HABP2: variants seen among roughly 807,000 people sequenced by gnomAD.
The protein encoded by HABP2 is factor VII-activating protease.
A neutral mutation model predicts 66.5 loss-of-function variants in HABP2; 65 were observed. That is an observed-to-expected ratio of 0.98 (90% CI 0.80 to 1.20). HABP2 has a LOEUF of 1.20. HABP2 is among the 50% of genes most tolerant of loss of function. HABP2 has a pLI of 0.00. For synonymous variants in HABP2, 263 were observed against 253.9 expected, an observed-to-expected ratio of 1.04 and a Z score of -0.34; for missense variants, 786 against 691.0, an observed-to-expected ratio of 1.14 and a Z score of -1.54.
intron 2 of HABP2, among the ~76,000 whole-genome samples, chr10:113,570,962 G>A (rs10885476): frequency 0.14 from 21,853 of 152,184 alleles, 1,643 homozygotes; most frequent in Non-Finnish European, 0.16. Context: ...GCCATCTGAG[G>A]TCTAGCTATG....
Position 113,589,076 on chromosome 10 carries a change from C to T in HABP2, c.*707C>T, listed in dbSNP as rs150551078. The T allele has an allele frequency of 1.2e-6, 2 of 1,613,578 alleles. No individual in the cohort carries two copies. Among genetic ancestry groups the T allele is most frequent in the Admixed American group, 1.7e-5 (1 of 59,982 alleles). On this transcript the variant is annotated 3_prime_UTR_variant, in exon 13 of 13. Transcript: ENST00000351270. ...TCTCCAGCCTCCACTGCTTCTGCCC[C>T]CCGCTGCTGAAATCAAACATACCCC...
chr10:113,565,204 AG>A (rs1357196895), intron 1 of HABP2, among the ~76,000 whole-genome samples: 3 of 152,264 alleles, frequency 2.0e-5, no homozygotes, highest in Non-Finnish European at 4.4e-5. Flanking sequence ...TTTACTCTCA[AG>A]AAAGTCAACA....
At chr10:113,571,078 G>T (rs548551972) in intron 2 of HABP2, among the ~76,000 whole-genome samples, 2 of 152,334 alleles carry the variant, frequency 1.3e-5, no homozygotes, top group African/African-American at 4.8e-5. Context: ...GTGTCGGTTT[G>T]TTATTATTGC....
intron 8 of HABP2, among the ~76,000 whole-genome samples, chr10:113,581,358 GCAC>G (rs1362349744): frequency 6.6e-6 from 1 of 152,122 alleles, no homozygotes; most frequent in African/African-American, 2.4e-5. Flanking sequence ...ACAGGACAAG[GCAC>G]CACCTATACA....
Position 113,588,167 on chromosome 10 carries a change from G to A in HABP2, c.1519-38G>A, listed in dbSNP as rs562328713. On this transcript the variant is annotated intron_variant, in intron 12 of 12. Coordinates refer to ENST00000351270, the MANE Select transcript of HABP2 (RefSeq NM_004132.5). ...GGTGGGGGCATCTCCAGATGTCTCT[G>A]GTTCACGAGGATGAGCTTATGCCTC... 5 of 1,544,278 alleles carry A rather than the reference G, an allele frequency of 3.2e-6. No individual in the cohort carries two copies. In the South Asian group the frequency reaches 4.9e-5, roughly 15 times the overall value.
intron 2 of HABP2, chr10:113,572,828 G>A: frequency 3.6e-6 from 1 of 278,422 alleles, no homozygotes; most frequent in Non-Finnish European, 7.4e-6. Context: ...TGTGATAAAT[G>A]AGGTGAAACT....
chr10:113,574,421 C>A lies in HABP2; in HGVS notation c.223+16C>A. The A allele has an allele frequency of 8.2e-7, 1 of 1,221,686 alleles. No individual in the cohort carries two copies. Among genetic ancestry groups the A allele is most frequent in the South Asian group, 1.2e-5 (1 of 83,078 alleles). 75.7% of individuals were successfully genotyped at this position (1,221,686 alleles called of 1,614,324 possible). A position where few individuals can be genotyped will look rare whatever the true frequency, so the allele number is the denominator to read the frequency against. ...GACCAAGCTGGTAGGTACCAAATCT[C>A]TTTCAGGGACTCTCCTGGGAGAAGG... On this transcript the variant is annotated intron_variant, in intron 3 of 12. Transcript: ENST00000351270.
At chr10:113,581,258 G>C (rs181485188) in intron 8 of HABP2, among the ~76,000 whole-genome samples, 1 of 152,040 alleles carries the variant, frequency 6.6e-6, no homozygotes, top group African/African-American at 2.4e-5. Flanking sequence ...ACTATTCTTT[G>C]AGAACCAACT....
chr10:113,578,742 C>G lies in HABP2; in HGVS notation c.684C>G (p.Tyr228Ter). Residue 228 changes from tyrosine to a stop codon, truncating the protein, a stop_gained, in exon 7 of 13, where the codon TAC becomes TAG. Coordinates refer to ENST00000351270, the MANE Select transcript of HABP2 (RefSeq NM_004132.5). LOFTEE classifies it high-confidence loss of function. Reference sequence around the variant, plus strand: ...CCCACCTCCTCTTGCAGGAGAATTACAACATGTTTATGGAGGATGCTGAAA... The same window carrying G: ...CCCACCTCCTCTTGCAGGAGAATTAGAACATGTTTATGGAGGATGCTGAAA... ...WNSHLLLQEN[Y>*]NMFMEDAETH... The G allele has an allele frequency of 6.2e-7, 1 of 1,611,746 alleles. No homozygotes were observed. Among genetic ancestry groups the G allele is most frequent in the Non-Finnish European group, 8.5e-7 (1 of 1,177,862 alleles).
intron 11 of HABP2, among the ~76,000 whole-genome samples, chr10:113,585,520 A>G (rs1845617005): frequency 6.6e-6 from 1 of 152,168 alleles, no homozygotes; most frequent in African/African-American, 2.4e-5. Context: ...TGGTTAAGAG[A>G]GCATCTATTT....
chr10:113,556,356 A>G (rs548631539), intron 1 of HABP2, among the ~76,000 whole-genome samples: 46 of 152,244 alleles, frequency 3.0e-4, no homozygotes, highest in African/African-American at 1.0e-3. Flanking sequence ...CAGACATTTG[A>G]GTAGCATTGG....
At chr10:113,587,705 A>G (rs11575785) in intron 12 of HABP2, among the ~76,000 whole-genome samples, 11 of 152,204 alleles carry the variant, frequency 7.2e-5, no homozygotes, top group Middle Eastern at 3.4e-3. Context: ...TACTTTACAA[A>G]CAATCTTCAC....
At chr10:113,565,787 T>C (rs1845186896) in intron 1 of HABP2, among the ~76,000 whole-genome samples, 1 of 152,216 alleles carries the variant, frequency 6.6e-6, no homozygotes, top group African/African-American at 2.4e-5. Flanking sequence ...TTACTAAAAA[T>C]ACAGTCCTCC....
Position 113,578,006 on chromosome 10 carries a change from C to T in HABP2, c.449-20C>T, listed in dbSNP as rs766481694. 16 of 1,612,838 alleles carry T rather than the reference C, an allele frequency of 9.9e-6. No homozygotes were observed. In the East Asian group the frequency reaches 2.5e-4, roughly 25 times the overall value. The stretch of plus-strand genomic sequence containing the variant: ...AACTCCTTCTGAAGAGCCTTCCTGG[C>T]CCCATTCCTGTGTTCACAGTGGTTC... On this transcript the variant is annotated intron_variant, in intron 5 of 12. Coordinates refer to ENST00000351270, the MANE Select transcript of HABP2 (RefSeq NM_004132.5).
intron 5 of HABP2, among the ~76,000 whole-genome samples, chr10:113,577,798 A>T (rs1380939847): frequency 6.6e-6 from 1 of 152,188 alleles, no homozygotes; most frequent in African/African-American, 2.4e-5. Context: ...CTACTTATGC[A>T]CTTAGGCATG....
Position 113,575,974 on chromosome 10 carries a change from G to T in HABP2, c.301G>T (p.Ala101Ser). ...GAGCACCTTCACATGCAGCTGCCTGGCTCCTTTCTCTGGGAATAAGTGTCA... is the reference window on the plus strand; with the variant it reads ...GAGCACCTTCACATGCAGCTGCCTGTCTCCTTTCTCTGGGAATAAGTGTCA... ...HGSTFTCSCL[A>S]PFSGNKCQKV... The change falls in exon 4 of 13, where the codon GCT becomes TCT. Residue 101 changes from alanine (A) to serine (S), a missense_variant. Transcript: ENST00000351270. 1 of 1,606,554 alleles carries T rather than the reference G, an allele frequency of 6.2e-7. No individual in the cohort carries two copies. Among genetic ancestry groups the T allele is most frequent in the South Asian group, 1.1e-5 (1 of 90,920 alleles).
At chr10:113,574,199 C>A (rs1022645508) in intron 2 of HABP2, 90 bp from the exon 3 acceptor site, 8 of 717,586 alleles carry the variant, frequency 1.1e-5, no homozygotes, top group Non-Finnish European at 2.5e-6. Flanking sequence ...ACTTTGAATT[C>A]TTTGGGGAAA....
At chr10:113,574,850 C>G (rs1845380387) in intron 3 of HABP2, among the ~76,000 whole-genome samples, 1 of 152,164 alleles carries the variant, frequency 6.6e-6, no homozygotes, top group Admixed American at 6.5e-5. Context: ...TTCCCTCATG[C>G]CTTTGCCAGA....
chr10:113,556,112 C>T (rs1844985925), intron 1 of HABP2, among the ~76,000 whole-genome samples: 2 of 152,198 alleles, frequency 1.3e-5, no homozygotes, highest in African/African-American at 4.8e-5. Context: ...GCTTTTAAAA[C>T]CCTAGAACTC....
Sources: allele counts gnomAD v4.1 joint callset (sites outside exome capture counted in the v4.1 genomes callset), GRCh38; gene constraint gnomAD v4.1.1; transcripts MANE v1.5; gene names NCBI Gene and HGNC (gene_info 2026-07-23, HGNC 2026-07-21).